The following ZEB1 variants were observed in gnomAD, a reference collection of about 807,000 sequenced individuals.
ZEB1 encodes zinc finger E-box-binding homeobox 1.
Under a neutral mutation model 84.9 loss-of-function variants are expected in ZEB1, and 21 were observed. That is an observed-to-expected ratio of 0.25 (90% CI 0.18 to 0.36). The LOEUF (loss-of-function observed/expected upper bound fraction) is 0.36. Ranked by LOEUF, ZEB1 falls within the 10% of genes least tolerant of loss-of-function variation. ZEB1 has a pLI of 1.00. For synonymous variants in ZEB1, 420 were observed against 471.1 expected (o/e 0.89, Z 1.41); for missense variants, 1,104 against 1,330.2 (o/e 0.83, Z 2.65).
At chr10:31,489,028 T>G (rs923855609) in intron 2 of ZEB1, among the ~76,000 whole-genome samples, 15 of 151,276 alleles carry the variant, frequency 9.9e-5, no homozygotes, top group Non-Finnish European at 2.2e-4. Flanking sequence ...TTGCTAATTT[T>G]TTGTCTACTT....
intron 5 of ZEB1, among the ~76,000 whole-genome samples, chr10:31,514,070 G>A (rs894227817): frequency 6.6e-6 from 1 of 152,068 alleles, no homozygotes; most frequent in Admixed American, 6.6e-5. Flanking sequence ...AAAACTGGAA[G>A]TATTTTTTTA....
At position 31,364,962 on chromosome 10, in the gene ZEB1, G is replaced by A. The variant is rs189593768; in HGVS notation, c.58+45670G>A. 2.8e-3 allele frequency among the ~76,000 whole-genome samples: 432 copies of A among 152,324 alleles called. 2 individuals are homozygous for A. Among genetic ancestry groups the A allele is most frequent in the Middle Eastern group, 0.014 (4 of 294 alleles). On this transcript the variant is annotated intron_variant, in intron 1 of 8. Transcript: ENST00000424869. The stretch of plus-strand genomic sequence containing the variant: ...CTGGGCTCCAGTCCTCTACAAAGAC[G>A]TAGGGCAGGAACTACCAGTTGTCAG...
rs190324110 is a variant in ZEB1 at position 31,407,658 on chromosome 10, A to G, written c.59-53379A>G. On this transcript the variant is annotated intron_variant, in intron 1 of 8. Transcript: ENST00000424869. ...AGACAAAAACCACATGATTATCTCA[A>G]TAGATGCAGAAAAGGCCTTTGACAA... Among the ~76,000 whole-genome samples, 1,068 of 152,298 alleles carry G rather than the reference A, an allele frequency of 7.0e-3. 12 individuals carry two copies. The highest frequency in any genetic ancestry group is 0.024 in the African/African-American group (979 of 41,562).
intron 1 of ZEB1, among the ~76,000 whole-genome samples, chr10:31,414,255 G>A (rs567658141): frequency 1.3e-5 from 2 of 152,224 alleles, no homozygotes; most frequent in East Asian, 3.9e-4. Flanking sequence ...CATGTTACTT[G>A]TTTTTTCTAT....
chr10:31,336,491 C>T (rs1394455593), intron 1 of ZEB1, among the ~76,000 whole-genome samples: 1 of 152,026 alleles, frequency 6.6e-6, no homozygotes, highest in Non-Finnish European at 1.5e-5. Context: ...ATCTCTATGA[C>T]TTTGAGTAAA....
intron 1 of ZEB1, among the ~76,000 whole-genome samples, chr10:31,431,401 C>G (rs930506342): frequency 2.6e-5 from 4 of 152,168 alleles, no homozygotes; most frequent in Non-Finnish European, 5.9e-5. Context: ...TACTATAAAT[C>G]TCTATTGTAT....
chr10:31,477,145 C>T (rs1238989629), intron 2 of ZEB1, among the ~76,000 whole-genome samples: 1 of 151,828 alleles, frequency 6.6e-6, no homozygotes, highest in African/African-American at 2.4e-5. Flanking sequence ...ATGACATGCC[C>T]CCATACCTAG....
chr10:31,518,899 A>T (rs1298889092), intron 6 of ZEB1, among the ~76,000 whole-genome samples: 1 of 152,222 alleles, frequency 6.6e-6, no homozygotes, highest in Admixed American at 6.5e-5. Context: ...CATATTTATT[A>T]GAAAATATAA....
chr10:31,514,113 A>C (rs1037397370), intron 5 of ZEB1, among the ~76,000 whole-genome samples: 2 of 152,118 alleles, frequency 1.3e-5, no homozygotes, highest in African/African-American at 4.8e-5. Context: ...TGGAAATATC[A>C]AATAGAAGAG....
chr10:31,367,439 T>G (rs969563215), intron 1 of ZEB1, among the ~76,000 whole-genome samples: 1 of 152,132 alleles, frequency 6.6e-6, no homozygotes, highest in Non-Finnish European at 1.5e-5. Flanking sequence ...ATGATGATGA[T>G]TGTATTAGCT....
rs2073802116 is a variant in ZEB1 at position 31,528,204 on chromosome 10, A to G, written c.*940A>G. 1 of 152,212 alleles carries G rather than the reference A, an allele frequency of 6.6e-6. No homozygotes were observed. Among genetic ancestry groups the G allele is most frequent in the Non-Finnish European group, 1.5e-5 (1 of 68,022 alleles). 9.4% of individuals were successfully genotyped at this position (152,212 alleles called of 1,614,324 possible). ...GCCTTCATCCAATGTGTGGCCTACAATAACTAGCATTTGTTGATTTGTCTC... is the reference window on the plus strand; with the variant it reads ...GCCTTCATCCAATGTGTGGCCTACAGTAACTAGCATTTGTTGATTTGTCTC... On this transcript the variant is annotated 3_prime_UTR_variant, in exon 9 of 9. Transcript: ENST00000424869.
chr10:31,528,341 T>G lies in ZEB1; in HGVS notation c.*1077T>G, dbSNP rs2073813692. 6.6e-6 allele frequency: 1 copy of G among 152,238 alleles called. No individual in the cohort carries two copies. Among genetic ancestry groups the G allele is most frequent in the South Asian group, 2.1e-4 (1 of 4,832 alleles). 9.4% of individuals were successfully genotyped at this position (152,238 alleles called of 1,614,324 possible). A position where few individuals can be genotyped will look rare whatever the true frequency, so the allele number is the denominator to read the frequency against. On this transcript the variant is annotated 3_prime_UTR_variant, in exon 9 of 9. Coordinates refer to ENST00000424869, the MANE Select transcript of ZEB1 (RefSeq NM_001174096.2). Reference sequence around the variant, plus strand: ...CGGTATTGATTTTATGTTGATTGATTTTCAGAATTTCTCTACAGAAACGAA... The same window carrying G: ...CGGTATTGATTTTATGTTGATTGATGTTCAGAATTTCTCTACAGAAACGAA...
chr10:31,424,997 A>AT (rs919082818), intron 1 of ZEB1, among the ~76,000 whole-genome samples: 1 of 151,856 alleles, frequency 6.6e-6, no homozygotes, highest in East Asian at 1.9e-4. Flanking sequence ...ATACAATCAA[A>AT]TTTTTTTTAA....
intron 1 of ZEB1, among the ~76,000 whole-genome samples, chr10:31,343,237 T>C (rs2039714275): frequency 6.6e-6 from 1 of 152,150 alleles, no homozygotes; most frequent in African/African-American, 2.4e-5. Context: ...AAACTGTAGT[T>C]AACATTTTAA....
chr10:31,362,250 G>T (rs567548983), intron 1 of ZEB1, among the ~76,000 whole-genome samples: 1 of 150,406 alleles, frequency 6.6e-6, no homozygotes, highest in Non-Finnish European at 1.5e-5. Context: ...TGGAGGCCAG[G>T]CAGAGGCGGC....
intron 1 of ZEB1, among the ~76,000 whole-genome samples, chr10:31,431,860 C>G (rs542065396): frequency 6.6e-6 from 1 of 152,244 alleles, no homozygotes; most frequent in South Asian, 2.1e-4. Flanking sequence ...GTCTTTAAAT[C>G]TTTATGAAAA....
chr10:31,450,833 A>G (rs2060472232), intron 1 of ZEB1, among the ~76,000 whole-genome samples: 1 of 151,866 alleles, frequency 6.6e-6, no homozygotes, highest in Non-Finnish European at 1.5e-5. Context: ...TTAATTTAAT[A>G]TTTTATTTAG....
intron 2 of ZEB1, among the ~76,000 whole-genome samples, chr10:31,494,111 T>C (rs1381987803): frequency 6.6e-6 from 1 of 152,028 alleles, no homozygotes; most frequent in South Asian, 2.1e-4. Context: ...TCAGTAACTA[T>C]ATTACCATCA....
chr10:31,462,938 T>C (rs975927283), intron 2 of ZEB1, among the ~76,000 whole-genome samples: 1 of 152,034 alleles, frequency 6.6e-6, no homozygotes, highest in Non-Finnish European at 1.5e-5. Flanking sequence ...AGATAGAATA[T>C]ATAAGAATTG....
Sources: allele counts gnomAD v4.1 joint callset (sites outside exome capture counted in the v4.1 genomes callset), GRCh38; gene constraint gnomAD v4.1.1; transcripts MANE v1.5; gene names NCBI Gene and HGNC (gene_info 2026-07-23, HGNC 2026-07-21).